The following FSTL5 variants were observed in gnomAD, a reference collection of about 807,000 sequenced individuals.
FSTL5 encodes follistatin-related protein 5.
In FSTL5, 62 loss-of-function variants were observed where a neutral mutation model predicts 89.1. The ratio of observed to expected loss-of-function variants is 0.70; its 90% CI spans 0.57 to 0.86. The LOEUF (loss-of-function observed/expected upper bound fraction) is 0.86. Among genes scored for constraint, FSTL5 ranks in the 40% least tolerant of loss-of-function variants. The pLI is 0.00. For missense variants in FSTL5, 1,057 were observed against 1,001.6 expected (o/e 1.06, Z -0.75); for synonymous variants, 383 against 346.2 (o/e 1.11, Z -1.18).
chr4:161,520,237 T>C (rs994950155), intron 10 of FSTL5, among the ~76,000 whole-genome samples: 1 of 151,846 alleles, frequency 6.6e-6, no homozygotes, highest in Admixed American at 6.6e-5. Flanking sequence ...ACCACAACAT[T>C]TTTTAAGGGG....
At chr4:161,916,764 TA>T (rs558753385) in intron 4 of FSTL5, among the ~76,000 whole-genome samples, 6 of 151,962 alleles carry the variant, frequency 3.9e-5, no homozygotes, top group African/African-American at 1.2e-4. Context: ...TCAATAATAA[TA>T]AAAAATGCTA....
chr4:161,920,762 T>C lies in FSTL5; in HGVS notation c.161-110A>G, dbSNP rs1350654284. On this transcript the variant is annotated intron_variant, in intron 3 of 15. Coordinates refer to ENST00000306100, the MANE Select transcript of FSTL5 (RefSeq NM_020116.5). ...GTGTTCTAAGAAAAGTATAGTATAG[T>C]GTATTCAGGGCTCAATTTTCAGTGG... is the stretch of plus-strand genomic sequence containing the variant. The C allele has an allele frequency of 3.8e-6, 4 of 1,043,234 alleles. No individual in the cohort carries two copies. The African/African-American group carries it at 6.4e-5, about 17-fold the overall frequency. The allele number at this position is 1,043,234 out of a possible 1,614,324, so 64.6% of individuals were successfully genotyped here.
intron 1 of FSTL5, among the ~76,000 whole-genome samples, chr4:162,128,683 T>C (rs1387865688): frequency 1.3e-5 from 2 of 152,170 alleles, no homozygotes; most frequent in Non-Finnish European, 2.9e-5. Context: ...TCCAATATCA[T>C]AGAAGATGAG....
At chr4:162,152,845 G>A (rs992950196) in intron 1 of FSTL5, among the ~76,000 whole-genome samples, 26 of 148,494 alleles carry the variant, frequency 1.8e-4, no homozygotes, top group African/African-American at 5.9e-4. Context: ...AACATGCTCT[G>A]TATAGTATGT....
intron 4 of FSTL5, among the ~76,000 whole-genome samples, chr4:161,908,914 T>A: frequency 6.6e-6 from 1 of 152,138 alleles, no homozygotes; most frequent in East Asian, 1.9e-4. Context: ...TCTCCTTTTT[T>A]TGGCATAAAT....
intron 2 of FSTL5, among the ~76,000 whole-genome samples, chr4:162,083,828 A>G (rs1477152232): frequency 6.6e-6 from 1 of 151,900 alleles, no homozygotes; most frequent in Non-Finnish European, 1.5e-5. Context: ...TAATTAAAAG[A>G]CATTTTACTT....
intron 4 of FSTL5, among the ~76,000 whole-genome samples, chr4:161,901,987 A>T (rs1733380026): frequency 6.6e-6 from 1 of 152,164 alleles, no homozygotes; most frequent in Non-Finnish European, 1.5e-5. Context: ...ATTAAAGCCA[A>T]ATAAAGATTA....
At chr4:161,798,566 A>AC (rs1315091931) in intron 4 of FSTL5, among the ~76,000 whole-genome samples, 1 of 151,466 alleles carries the variant, frequency 6.6e-6, no homozygotes, top group African/African-American at 2.4e-5. Flanking sequence ...TGTGGTTCTC[A>AC]CATTACAGTT....
At chr4:161,921,024 T>C (rs1403704829) in intron 3 of FSTL5, among the ~76,000 whole-genome samples, 4 of 152,138 alleles carry the variant, frequency 2.6e-5, no homozygotes, top group African/African-American at 9.7e-5. Flanking sequence ...ATCTGTAACA[T>C]GGGAATAATA....
chr4:161,640,044 GAA>G (rs1198791301), intron 7 of FSTL5, among the ~76,000 whole-genome samples: 4 of 152,120 alleles, frequency 2.6e-5, no homozygotes, highest in Admixed American at 2.6e-4. Context: ...GAGAAAACTA[GAA>G]AGTGTCTGGA....
At chr4:161,709,747 G>A (rs1171423142) in intron 6 of FSTL5, among the ~76,000 whole-genome samples, 1 of 152,012 alleles carries the variant, frequency 6.6e-6, no homozygotes, top group Non-Finnish European at 1.5e-5. Context: ...AGTGAGCCAT[G>A]ATCACGTCAG....
intron 3 of FSTL5, among the ~76,000 whole-genome samples, chr4:162,005,065 T>G (rs1736578602): frequency 6.6e-6 from 1 of 152,178 alleles, no homozygotes; most frequent in South Asian, 2.1e-4. Context: ...TAAAATAATG[T>G]AATGTATCCC....
At chr4:162,145,832 A>T (rs972003213) in intron 1 of FSTL5, among the ~76,000 whole-genome samples, 4 of 152,152 alleles carry the variant, frequency 2.6e-5, no homozygotes, top group Non-Finnish European at 5.9e-5. Flanking sequence ...TAAAGCTTAG[A>T]GTGTCCTGAT....
At chr4:161,617,521 A>G (rs1391983087) in intron 7 of FSTL5, among the ~76,000 whole-genome samples, 2 of 152,180 alleles carry the variant, frequency 1.3e-5, no homozygotes, top group African/African-American at 2.4e-5. Flanking sequence ...AAGAAGCTGA[A>G]GAAAATTGAA....
chr4:161,990,781 A>C (rs963491579), intron 3 of FSTL5, among the ~76,000 whole-genome samples: 3 of 152,168 alleles, frequency 2.0e-5, no homozygotes, highest in African/African-American at 7.2e-5. Context: ...TTATCTAGAA[A>C]TAGATTGAAA....
chr4:161,632,435 G>T (rs1429823474), intron 7 of FSTL5, among the ~76,000 whole-genome samples: 1 of 152,020 alleles, frequency 6.6e-6, no homozygotes, highest in African/African-American at 2.4e-5. Context: ...AGTTAACATG[G>T]GGGCAATAAT....
chr4:161,907,201 T>C (rs745812061), intron 4 of FSTL5, among the ~76,000 whole-genome samples: 3 of 152,072 alleles, frequency 2.0e-5, no homozygotes, highest in Non-Finnish European at 4.4e-5. Context: ...CTAAATGCCA[T>C]AGTTATTATT....
chr4:162,034,041 A>G (rs1737639827), intron 2 of FSTL5, among the ~76,000 whole-genome samples: 1 of 151,938 alleles, frequency 6.6e-6, no homozygotes, highest in Non-Finnish European at 1.5e-5. Flanking sequence ...GGCTCAAGGA[A>G]TCCTCCTGCC....
At chr4:161,879,909 C>T (rs1272570934) in intron 4 of FSTL5, among the ~76,000 whole-genome samples, 1 of 152,158 alleles carries the variant, frequency 6.6e-6, no homozygotes, top group Non-Finnish European at 1.5e-5. Flanking sequence ...TTGATAGCTC[C>T]ATGGGAGCAA....
Sources: gnomAD v4.1 joint callset for allele counts (sites outside exome capture counted in the v4.1 genomes callset) on GRCh38, gnomAD v4.1.1 for gene constraint, MANE v1.5 for transcripts, NCBI Gene and HGNC (gene_info 2026-07-23, HGNC 2026-07-21) for gene names.